The following FHOD3 variants were observed in gnomAD, a reference collection of about 807,000 sequenced individuals.
FHOD3 encodes the protein FH1/FH2 domain-containing protein 3.
A neutral mutation model predicts 173.0 loss-of-function variants in FHOD3; 90 were observed. The observed-to-expected ratio is 0.52, with a 90% CI of 0.44 to 0.62. The LOEUF (loss-of-function observed/expected upper bound fraction) is 0.62. Ranked by LOEUF, FHOD3 falls within the 20% of genes least tolerant of loss-of-function variation. The pLI, the probability that FHOD3 is intolerant of heterozygous loss-of-function variation, is 0.00. For synonymous variants in FHOD3, 828 were observed against 823.0 expected (o/e 1.01, Z -0.10); for missense variants, 1,945 against 2,034.7 (o/e 0.96, Z 0.85).
intron 1 of FHOD3, among the ~76,000 whole-genome samples, chr18:36,322,993 T>C (rs1426330546): frequency 1.3e-5 from 2 of 152,214 alleles, no homozygotes; most frequent in Non-Finnish European, 2.9e-5. Flanking sequence ...TTATGCAGCA[T>C]AACAGCTCAA....
At chr18:36,696,378 T>C (rs376659853) in intron 17 of FHOD3, among the ~76,000 whole-genome samples, 26 of 152,364 alleles carry the variant, frequency 1.7e-4, no homozygotes, top group African/African-American at 6.0e-4. Flanking sequence ...ATATTTGTTA[T>C]TGAATTTTCT....
At chr18:36,374,380 T>G (rs2047333399) in intron 3 of FHOD3, among the ~76,000 whole-genome samples, 1 of 152,224 alleles carries the variant, frequency 6.6e-6, no homozygotes, top group Non-Finnish European at 1.5e-5. Context: ...ATGGAGTCAG[T>G]GTGCTTGCTC....
At chr18:36,571,326 A>C (rs1418402117) in intron 5 of FHOD3, among the ~76,000 whole-genome samples, 1 of 152,208 alleles carries the variant, frequency 6.6e-6, no homozygotes, top group Non-Finnish European at 1.5e-5. Context: ...ATCCCAAACA[A>C]ACATATATTG....
intron 10 of FHOD3, among the ~76,000 whole-genome samples, chr18:36,646,552 G>A (rs1245211175): frequency 2.6e-5 from 4 of 152,150 alleles, no homozygotes; most frequent in Non-Finnish European, 4.4e-5. Flanking sequence ...ATATCTTAAT[G>A]TATATTAACC....
intron 3 of FHOD3, among the ~76,000 whole-genome samples, chr18:36,470,741 C>T (rs190193896): frequency 4.5e-4 from 68 of 152,354 alleles, no homozygotes; most frequent in Non-Finnish European, 8.4e-4. Flanking sequence ...AGTTCAGGCT[C>T]AGCTCAGATT....
intron 5 of FHOD3, among the ~76,000 whole-genome samples, chr18:36,566,616 A>G (rs1242071469): frequency 6.6e-6 from 1 of 152,284 alleles, no homozygotes. Context: ...TGGAAAAGTC[A>G]TTGGTAAGAA....
chr18:36,365,662 T>A (rs533463018), intron 2 of FHOD3, among the ~76,000 whole-genome samples: 1 of 152,224 alleles, frequency 6.6e-6, no homozygotes, highest in East Asian at 1.9e-4. Context: ...AACAGGTGGG[T>A]TTTATGGTAC....
intron 5 of FHOD3, among the ~76,000 whole-genome samples, chr18:36,531,535 A>C (rs1211059267): frequency 2.0e-5 from 3 of 152,154 alleles, no homozygotes; most frequent in Non-Finnish European, 4.4e-5. Flanking sequence ...CCTAAATCAC[A>C]GAAAAGCTCA....
intron 3 of FHOD3, among the ~76,000 whole-genome samples, chr18:36,438,455 C>T (rs987222850): frequency 3.3e-5 from 5 of 152,216 alleles, no homozygotes; most frequent in African/African-American, 1.2e-4. Flanking sequence ...CTCTTTCTGG[C>T]AGCTTCTCTG....
chr18:36,724,878 G>A (rs1308564484), intron 19 of FHOD3, among the ~76,000 whole-genome samples: 4 of 152,190 alleles, frequency 2.6e-5, no homozygotes, highest in South Asian at 2.1e-4. Flanking sequence ...TGCCGTGGGC[G>A]TTCAGCTTAA....
intron 10 of FHOD3, among the ~76,000 whole-genome samples, chr18:36,634,157 T>A (rs1483711835): frequency 1.3e-5 from 2 of 152,072 alleles, no homozygotes; most frequent in Non-Finnish European, 2.9e-5. Flanking sequence ...CAGCAGGTGG[T>A]AGGATGCGGG....
intron 7 of FHOD3, among the ~76,000 whole-genome samples, chr18:36,597,076 A>T (rs1329302112): frequency 6.6e-6 from 1 of 152,200 alleles, no homozygotes; most frequent in African/African-American, 2.4e-5. Flanking sequence ...AGCTTCAGGT[A>T]ACCCCAGGGC....
Position 36,517,218 on chromosome 18 carries a change from A to T in FHOD3, c.511+4675A>T, listed in dbSNP as rs2056038005. Among the ~76,000 whole-genome samples, 8 of 152,106 alleles carry T rather than the reference A, an allele frequency of 5.3e-5. No homozygotes were observed. In the South Asian group the frequency reaches 1.7e-3, roughly 32 times the overall value. ...AGTTTTTTTGGGATAGCCAGTATTT[A>T]ATTTAAGTGTACTGTGAAATTTTGT... On this transcript the variant is annotated intron_variant, in intron 5 of 28. Transcript: ENST00000590592.
chr18:36,482,858 C>CACACACACACAGAG (rs1400178557), intron 3 of FHOD3, among the ~76,000 whole-genome samples: 15 of 130,372 alleles, frequency 1.2e-4, no homozygotes, highest in Admixed American at 4.6e-4. Flanking sequence ...CACACACACA[C>CACACACACACAGAG]AGAGAGAGAG....
chr18:36,572,283 A>G (rs962596439), intron 5 of FHOD3, among the ~76,000 whole-genome samples: 2 of 152,128 alleles, frequency 1.3e-5, no homozygotes, highest in Non-Finnish European at 2.9e-5. Flanking sequence ...AACACAAATC[A>G]TGAATTTTCA....
At chr18:36,620,788 T>C (rs1385178895) in intron 9 of FHOD3, among the ~76,000 whole-genome samples, 1 of 152,246 alleles carries the variant, frequency 6.6e-6, no homozygotes, top group African/African-American at 2.4e-5. Context: ...CTGGCAGAGT[T>C]GGGATTTTTC....
intron 5 of FHOD3, among the ~76,000 whole-genome samples, chr18:36,528,669 G>T (rs556494062): frequency 1.3e-5 from 2 of 152,280 alleles, no homozygotes; most frequent in African/African-American, 4.8e-5. Context: ...TCTGCTTAAG[G>T]TTTACACAAC....
rs1376003945 is a variant in FHOD3 at position 36,740,708 on chromosome 18, C to T, written c.3629C>T (p.Ala1210Val). 1.2e-6 allele frequency: 2 copies of T among 1,613,934 alleles called. No individual in the cohort carries two copies. The highest frequency in any genetic ancestry group is 2.2e-5 in the East Asian group (1 of 44,904). ...TDEEKQKIQE[A>V]QLANPEIPLG... is the part of the protein sequence containing the mutation. ...GAGGAGAAGCAGAAAATCCAGGAAG[C>T]TCAGCTGGCCAACCCTGAAATCCCC... is the stretch of plus-strand genomic sequence containing the variant. The change falls in exon 21 of 29, where the codon GCT becomes GTT. Residue 1210 changes from alanine to valine, a missense_variant. Physicochemically the swap from Ala to Val is moderately conservative, Grantham distance 64. Transcript: ENST00000590592.
At chr18:36,519,417 T>C (rs2056159686) in intron 5 of FHOD3, among the ~76,000 whole-genome samples, 1 of 152,218 alleles carries the variant, frequency 6.6e-6, no homozygotes, top group Non-Finnish European at 1.5e-5. Context: ...GTGGTTGGCC[T>C]ACCCCTAGTC....
Sources: gnomAD v4.1 joint callset for allele counts (sites outside exome capture counted in the v4.1 genomes callset) on GRCh38, gnomAD v4.1.1 for gene constraint, MANE v1.5 for transcripts, NCBI Gene and HGNC (gene_info 2026-07-23, HGNC 2026-07-21) for gene names.